JPH3: variants seen among roughly 807,000 people sequenced by gnomAD.
JPH3 encodes junctophilin-3.
JPH3 carries 11 observed loss-of-function variants against 59.6 expected under a neutral mutation model. The ratio of observed to expected loss-of-function variants is 0.18; its 90% confidence interval spans 0.12 to 0.31. The LOEUF is 0.31. Among genes scored for constraint, JPH3 ranks in the 10% least tolerant of loss-of-function variants. The pLI is 1.00. For synonymous variants in JPH3, 673 were observed against 483.6 expected (o/e 1.39, Z -5.14); for missense variants, 1,202 against 1,105.7 (o/e 1.09, Z -1.24).
At chr16:87,691,366 C>A (rs1567617013) in intron 4 of JPH3, among the ~76,000 whole-genome samples, 2 of 152,228 alleles carry the variant, frequency 1.3e-5, no homozygotes, top group East Asian at 3.8e-4. Context: ...CAGGCCCTCA[C>A]CCCAGCAGGG....
intron 2 of JPH3, 33 bp from the exon 3 acceptor site, chr16:87,684,109 G>GC (rs757701424): frequency 2.0e-5 from 32 of 1,570,508 alleles, no homozygotes; most frequent in South Asian, 7.8e-5. Flanking sequence ...TGTGCCCCCT[G>GC]CCCCCCCTCA....
chr16:87,672,383 G>C (rs2033040123), intron 2 of JPH3, among the ~76,000 whole-genome samples: 1 of 152,212 alleles, frequency 6.6e-6, no homozygotes, highest in South Asian at 2.1e-4. Flanking sequence ...GCTGAGGGTG[G>C]TAAACACCCC....
intron 2 of JPH3, among the ~76,000 whole-genome samples, chr16:87,648,741 G>A (rs958757303): frequency 6.6e-6 from 1 of 152,178 alleles, no homozygotes; most frequent in South Asian, 2.1e-4. Context: ...TACCCTCCTC[G>A]GCCATGTGAC....
intron 4 of JPH3, chr16:87,695,658 G>C: frequency 2.2e-6 from 1 of 456,076 alleles, no homozygotes; most frequent in Middle Eastern, 3.3e-4. Context: ...TGTGCAGCAG[G>C]TACTGTATCT....
At chr16:87,660,265 A>C (rs2032659077) in intron 2 of JPH3, among the ~76,000 whole-genome samples, 1 of 152,064 alleles carries the variant, frequency 6.6e-6, no homozygotes, top group Non-Finnish European at 1.5e-5. Flanking sequence ...TGTTTCAGAG[A>C]GTTGAGCTTT....
At chr16:87,656,126 T>C (rs1388269486) in intron 2 of JPH3, among the ~76,000 whole-genome samples, 6 of 152,238 alleles carry the variant, frequency 3.9e-5, no homozygotes, top group Non-Finnish European at 8.8e-5. Flanking sequence ...GCCCAGTGTA[T>C]GCTGTGAGCC....
chr16:87,648,795 C>G (rs2032237298), intron 2 of JPH3, among the ~76,000 whole-genome samples: 1 of 152,194 alleles, frequency 6.6e-6, no homozygotes, highest in Non-Finnish European at 1.5e-5. Context: ...CTTCGAGGCT[C>G]TCCAGGTGCC....
In JPH3 at chr16:87,650,395, C is replaced by G. The variant is rs2032292890; in HGVS notation, c.1160+5360C>G. On this transcript the variant is annotated intron_variant, in intron 2 of 4. Transcript: ENST00000284262. The stretch of plus-strand genomic sequence containing the variant: ...CCCATCCCTCTCTCTCCTCTGGTCT[C>G]CCTATTCCCTGAGACACAACAGTAT... 5.3e-5 allele frequency among the ~76,000 whole-genome samples: 8 copies of G among 152,290 alleles called. No individual in the cohort carries two copies. In the South Asian group the frequency reaches 1.7e-3, roughly 32 times the overall value.
chr16:87,645,050 G>C lies in JPH3; in HGVS notation c.1160+15G>C, dbSNP rs1453041812. 2 of 1,589,764 alleles carry C rather than the reference G, an allele frequency of 1.3e-6. No homozygotes were observed. Among genetic ancestry groups the C allele is most frequent in the East Asian group, 2.2e-5 (1 of 44,778 alleles). On this transcript the variant is annotated intron_variant, in intron 2 of 4. Transcript: ENST00000284262. ...GCGGCTTCCAGGTAGGAGGGCGAGG[G>C]GGCGGGGGGCCCTTCTTGGTGCCCA...
At chr16:87,677,746 T>G (rs187131140) in intron 2 of JPH3, among the ~76,000 whole-genome samples, 1 of 152,356 alleles carries the variant, frequency 6.6e-6, no homozygotes, top group Non-Finnish European at 1.5e-5. Context: ...CGCTTGCCCA[T>G]TCACTCATTC....
intron 4 of JPH3, among the ~76,000 whole-genome samples, chr16:87,692,631 C>T (rs891070761): frequency 3.3e-5 from 5 of 151,872 alleles, no homozygotes; most frequent in South Asian, 2.1e-4. Context: ...GATTCTGGCC[C>T]GTGTAGGGCC....
chr16:87,673,725 A>T (rs940105923), intron 2 of JPH3, among the ~76,000 whole-genome samples: 3 of 152,132 alleles, frequency 2.0e-5, no homozygotes, highest in Non-Finnish European at 2.9e-5. Context: ...CAGGAGTTCG[A>T]GACCAGCCTG....
chr16:87,670,467 C>A (rs1267111535), intron 2 of JPH3, among the ~76,000 whole-genome samples: 1 of 152,344 alleles, frequency 6.6e-6, no homozygotes, highest in African/African-American at 2.4e-5. Context: ...GCACCAGGAT[C>A]CAAGCAGTGG....
intron 2 of JPH3, 148 bp from the exon 3 acceptor site, chr16:87,683,994 C>A (rs1241856695): frequency 1.6e-6 from 1 of 622,990 alleles, no homozygotes; most frequent in African/African-American, 1.8e-5. Flanking sequence ...AATGAACGAA[C>A]AAGATCCAGA....
chr16:87,667,806 T>C (rs1380922919), intron 2 of JPH3, among the ~76,000 whole-genome samples: 1 of 152,172 alleles, frequency 6.6e-6, no homozygotes, highest in Middle Eastern at 3.2e-3. Context: ...CTGTCTGTTT[T>C]TGTTTGTTTT....
chr16:87,639,556 C>T (rs1364947617), intron 1 of JPH3, among the ~76,000 whole-genome samples: 1 of 152,170 alleles, frequency 6.6e-6, no homozygotes, highest in Non-Finnish European at 1.5e-5. Context: ...ACTTTCTCAT[C>T]TTCCCAAACC....
At chr16:87,666,099 T>C (rs2032852106) in intron 2 of JPH3, among the ~76,000 whole-genome samples, 1 of 151,920 alleles carries the variant, frequency 6.6e-6, no homozygotes, top group Non-Finnish European at 1.5e-5. Context: ...TTCTCTTTTT[T>C]TTTTTTTTGA....
chr16:87,669,978 C>G (rs371803849), intron 2 of JPH3, among the ~76,000 whole-genome samples: 8 of 152,070 alleles, frequency 5.3e-5, no homozygotes, highest in African/African-American at 1.9e-4. Context: ...GCCGTGGGGG[C>G]GGGGGTAATC....
At chr16:87,652,758 C>G (rs531858133) in intron 2 of JPH3, among the ~76,000 whole-genome samples, 17 of 152,358 alleles carry the variant, frequency 1.1e-4, no homozygotes, top group African/African-American at 4.1e-4. Flanking sequence ...GTCAGCAGGA[C>G]TGTGGTGGCA....
Sources: gnomAD v4.1 joint callset for allele counts (sites outside exome capture counted in the v4.1 genomes callset) on GRCh38, gnomAD v4.1.1 for gene constraint, MANE v1.5 for transcripts, NCBI Gene and HGNC (gene_info 2026-07-23, HGNC 2026-07-21) for gene names.